The following DNAH12 variants were observed in gnomAD, a reference collection of about 807,000 sequenced individuals.
DNAH12 encodes the protein axonemal beta dynein heavy chain 12.
In DNAH12, 285 loss-of-function variants were observed where a neutral mutation model predicts 371.5. The ratio of observed to expected loss-of-function variants is 0.77; its 90% CI spans 0.70 to 0.85. The LOEUF is 0.85. Ranked by LOEUF, DNAH12 falls within the 40% of genes least tolerant of loss-of-function variation. DNAH12 has a pLI of 0.00. For synonymous variants in DNAH12, 1,200 were observed against 1,213.0 expected, an observed-to-expected ratio of 0.99 and a Z score of 0.22; for missense variants, 3,611 against 3,689.4, an observed-to-expected ratio of 0.98 and a Z score of 0.55.
intron 16 of DNAH12, among the ~76,000 whole-genome samples, chr3:57,469,320 A>G (rs574621074): frequency 9.8e-5 from 15 of 152,296 alleles, no homozygotes; most frequent in Middle Eastern, 6.8e-3. Flanking sequence ...AAGTAAAACA[A>G]AAAAACAAAA....
intron 52 of DNAH12, among the ~76,000 whole-genome samples, chr3:57,377,789 A>G (rs1467135525): frequency 6.6e-6 from 1 of 152,136 alleles, no homozygotes; most frequent in African/African-American, 2.4e-5. Context: ...GAGAAAAGGG[A>G]TTTCCTAAAG....
intron 33 of DNAH12, among the ~76,000 whole-genome samples, chr3:57,429,476 ATCC>A (rs1486510156): frequency 6.6e-6 from 1 of 152,116 alleles, no homozygotes; most frequent in Non-Finnish European, 1.5e-5. Flanking sequence ...GTGCCCAGCC[ATCC>A]TCTTCACACT....
Position 57,338,549 on chromosome 3 carries a change from C to T in DNAH12, c.9675-3609G>A, listed in dbSNP as rs376321532. On this transcript the variant is annotated intron_variant, in intron 60 of 73. Transcript: ENST00000495027. Reference sequence around the variant, plus strand: ...GAGGTGAGGAGCGTCTCTGCCCGGCCGCCACCTCATCTAGGAAGTGAGGAG... The same window carrying T: ...GAGGTGAGGAGCGTCTCTGCCCGGCTGCCACCTCATCTAGGAAGTGAGGAG... Among the ~76,000 whole-genome samples the T allele has an allele frequency of 5.9e-4, 88 of 149,386 alleles. 1 individual carries two copies. In the South Asian group the frequency reaches 0.018, roughly 30 times the overall value.
rs1308459628 is a variant in DNAH12, at chr3:57,339,394, AAAG to A, written c.9675-4457_9675-4455del. Among the ~76,000 whole-genome samples, 3 of 150,308 alleles carry A rather than the reference AAAG, an allele frequency of 2.0e-5. No individual in the cohort carries two copies. The Admixed American group carries it at 2.2e-4, about 11-fold the overall frequency. On this transcript the variant is annotated intron_variant, in intron 60 of 73. Transcript: ENST00000495027. ...TCAATAAATACTAAAAAAAAAAAAA[AAAG>A]AAAGAAAGTTGATCTCATGAGAAAG...
Position 57,459,605 on chromosome 3 carries a change from G to A in DNAH12, c.2918C>T (p.Ala973Val). 27 of 1,498,320 alleles carry A rather than the reference G, an allele frequency of 1.8e-5. No homozygotes were observed. The highest frequency in any genetic ancestry group is 2.4e-5 in the Non-Finnish European group (27 of 1,112,486). 92.8% of individuals were successfully genotyped at this position (1,498,320 alleles called of 1,614,324 possible). A position where few individuals can be genotyped will look rare whatever the true frequency, so the allele number is the denominator to read the frequency against. ...RHWRDIMKFC[A>V]KDPKVLAATS... Reference sequence around the variant, plus strand: ...CAAACACTTCACCTTTGGATCTTTAGCACAAAACTTCATGATATCTCTCCA... The same window carrying A: ...CAAACACTTCACCTTTGGATCTTTAACACAAAACTTCATGATATCTCTCCA... Residue 973 changes from alanine (A) to valine (V), a missense_variant, in exon 20 of 74, where the codon GCT becomes GTT. This residue lies in a region of DNAH12 where 1,314 missense variants were observed against 1,398.7 expected (regional missense o/e 0.94). Transcript: ENST00000495027.
intron 55 of DNAH12, among the ~76,000 whole-genome samples, chr3:57,373,462 A>G (rs2063218600): frequency 1.3e-5 from 2 of 149,474 alleles, no homozygotes; most frequent in African/African-American, 5.0e-5. Context: ...TTACAGGTGC[A>G]CACCACCACA....
At chr3:57,440,396 C>T (rs1161188197) in intron 29 of DNAH12, among the ~76,000 whole-genome samples, 2 of 152,144 alleles carry the variant, frequency 1.3e-5, no homozygotes, top group Non-Finnish European at 2.9e-5. Context: ...TAGCTGGAGG[C>T]CACTCTCCTA....
chr3:57,397,969 A>T (rs1378698021), intron 43 of DNAH12, among the ~76,000 whole-genome samples: 1 of 152,212 alleles, frequency 6.6e-6, no homozygotes, highest in East Asian at 1.9e-4. Context: ...GGAAATGCAG[A>T]TCTATGAACT....
At chr3:57,345,858 C>G (rs1227684815) in intron 60 of DNAH12, among the ~76,000 whole-genome samples, 1 of 152,034 alleles carries the variant, frequency 6.6e-6, no homozygotes, top group Admixed American at 6.5e-5. Flanking sequence ...ACATACCTAA[C>G]CTTTTCTTAA....
At chr3:57,419,165 G>T (rs2064486266) in intron 37 of DNAH12, among the ~76,000 whole-genome samples, 1 of 152,152 alleles carries the variant, frequency 6.6e-6, no homozygotes, top group Non-Finnish European at 1.5e-5. Context: ...AAGTATGATG[G>T]CAAGGGCTTT....
At chr3:57,357,557 G>C (rs1365565734) in intron 58 of DNAH12, among the ~76,000 whole-genome samples, 4 of 152,074 alleles carry the variant, frequency 2.6e-5, no homozygotes, top group African/African-American at 9.7e-5. Context: ...AGGGATGGAG[G>C]AAAGGGGAAG....
chr3:57,534,623 C>T (rs1261307586), intron 2 of DNAH12, among the ~76,000 whole-genome samples: 1 of 151,432 alleles, frequency 6.6e-6, no homozygotes, highest in African/African-American at 2.4e-5. Context: ...ATTCTCCTGC[C>T]TCAGCATCCC....
chr3:57,531,386 G>T (rs1184912009), intron 2 of DNAH12, among the ~76,000 whole-genome samples: 1 of 152,076 alleles, frequency 6.6e-6, no homozygotes, highest in Non-Finnish European at 1.5e-5. Flanking sequence ...AGACATACTG[G>T]AGTTCCATTG....
rs2066365206 is a variant in DNAH12, at chr3:57,471,452, G to A, written c.1911+20C>T. 6.6e-7 allele frequency: 1 copy of A among 1,523,308 alleles called. No individual in the cohort carries two copies. The highest frequency in any genetic ancestry group is 1.3e-5 in the South Asian group (1 of 77,052). The allele number at this position is 1,523,308 out of a possible 1,614,324, so 94.4% of individuals were successfully genotyped here. A position where few individuals can be genotyped will look rare whatever the true frequency, so the allele number is the denominator to read the frequency against. On this transcript the variant is annotated intron_variant, in intron 15 of 73. Transcript: ENST00000495027. ...ACTCTATGGGCTGGCCATAGCTATT[G>A]TCTCATATATTTATCAGACCTGTTG...
chr3:57,337,569 G>C (rs782204893), intron 60 of DNAH12, among the ~76,000 whole-genome samples: 2 of 152,200 alleles, frequency 1.3e-5, no homozygotes, highest in Non-Finnish European at 2.9e-5. Flanking sequence ...TGAGGCAGGA[G>C]AATCACTTGA....
Position 57,461,551 on chromosome 3 carries a change from T to A in DNAH12, c.2674A>T (p.Ile892Phe), listed in dbSNP as rs188723302. 8 of 1,551,406 alleles carry A rather than the reference T, an allele frequency of 5.2e-6. No individual in the cohort carries two copies. The highest frequency in any genetic ancestry group is 7.0e-6 in the Non-Finnish European group (8 of 1,146,858). ...CCTCTCATTGTCTGAGTTTTTATAA[T>A]TTGATCATCAAGGATGGCCTGAATC... ...DEIQAILDDQ[I>F]IKTQTMRGSP... The change falls in exon 19 of 74, where the codon ATT (isoleucine) becomes TTT (phenylalanine). Residue 892 changes from isoleucine (I) to phenylalanine (F), a missense_variant. This residue lies in a region of DNAH12 where 1,314 missense variants were observed against 1,398.7 expected (regional missense o/e 0.94). Transcript: ENST00000495027.
chr3:57,382,983 T>C (rs1355561190), intron 49 of DNAH12, among the ~76,000 whole-genome samples: 2 of 152,190 alleles, frequency 1.3e-5, no homozygotes, highest in African/African-American at 4.8e-5. Context: ...AGATTCCAGA[T>C]CACTTGAGTG....
intron 22 of DNAH12, 138 bp from the exon 23 acceptor site, chr3:57,455,032 TAA>T: frequency 1.3e-6 from 1 of 777,142 alleles, no homozygotes; most frequent in East Asian, 3.3e-5. Context: ...GTTAAATGAC[TAA>T]AAGACTCCCT....
At chr3:57,431,121 T>G (rs1333708473) in intron 32 of DNAH12, among the ~76,000 whole-genome samples, 1 of 152,130 alleles carries the variant, frequency 6.6e-6, no homozygotes, top group East Asian at 1.9e-4. Context: ...GCAAACATCC[T>G]CCTAACTCTG....
Sources: gnomAD v4.1 joint callset for allele counts (sites outside exome capture counted in the v4.1 genomes callset) on GRCh38, gnomAD v4.1.1 for gene constraint, gnomAD v4.1.1 regional missense constraint, MANE v1.5 for transcripts, NCBI Gene and HGNC (gene_info 2026-07-23, HGNC 2026-07-21) for gene names.